NTM: variants seen among roughly 807,000 people sequenced by gnomAD.
NTM encodes the protein neurotrimin.
NTM carries 13 observed loss-of-function variants against 42.1 expected under a neutral mutation model. That is an observed-to-expected ratio of 0.31 (90% CI 0.20 to 0.49). NTM has a LOEUF of 0.49. Among genes scored for constraint, NTM ranks in the 20% least tolerant of loss-of-function variants. NTM has a pLI of 0.99. For missense variants in NTM, 373 were observed against 452.8 expected (o/e 0.82, Z 1.60); for synonymous variants, 187 against 179.2 (o/e 1.04, Z -0.35).
intron 1 of NTM, among the ~76,000 whole-genome samples, chr11:131,643,276 T>C (rs1215655948): frequency 6.6e-6 from 1 of 152,244 alleles, no homozygotes; most frequent in East Asian, 1.9e-4. Context: ...AGGAGACTCC[T>C]GCTGATATGA....
intron 2 of NTM, among the ~76,000 whole-genome samples, chr11:132,084,425 C>G (rs1318398093): frequency 6.6e-6 from 1 of 152,082 alleles, no homozygotes; most frequent in Non-Finnish European, 1.5e-5. Context: ...GAAGATTAAA[C>G]ACATTTTGTT....
chr11:131,889,835 A>G (rs957612953), intron 1 of NTM, among the ~76,000 whole-genome samples: 3 of 152,186 alleles, frequency 2.0e-5, no homozygotes, highest in Non-Finnish European at 4.4e-5. Flanking sequence ...ATGAGGGATC[A>G]GTAGCATCCC....
chr11:131,687,930 C>T lies in NTM; in HGVS notation c.83-223634C>T, dbSNP rs532951846. Among the ~76,000 whole-genome samples, 382 of 152,268 alleles carry T rather than the reference C, an allele frequency of 2.5e-3. 2 individuals are homozygous for T. The highest frequency in any genetic ancestry group is 8.9e-3 in the African/African-American group (371 of 41,540). Reference sequence around the variant, plus strand: ...GTGTCCTAGCAAAGCAATCAGTGGACGTATTTTTAAAAGAAAACTCATTTA... The same window carrying T: ...GTGTCCTAGCAAAGCAATCAGTGGATGTATTTTTAAAAGAAAACTCATTTA... On this transcript the variant is annotated intron_variant, in intron 1 of 8. Coordinates refer to ENST00000683400, the MANE Select transcript of NTM (RefSeq NM_001352005.2).
At chr11:132,139,644 T>C (rs1317682771) in intron 2 of NTM, among the ~76,000 whole-genome samples, 1 of 152,214 alleles carries the variant, frequency 6.6e-6, no homozygotes, top group East Asian at 1.9e-4. Flanking sequence ...ACTGCCTCCT[T>C]GCACGATTCT....
At chr11:132,016,838 T>C (rs2073498957) in intron 2 of NTM, among the ~76,000 whole-genome samples, 1 of 152,024 alleles carries the variant, frequency 6.6e-6, no homozygotes, top group Non-Finnish European at 1.5e-5. Context: ...ATAACCATTC[T>C]AGTGGATATA....
chr11:132,044,224 C>A (rs892164627), intron 2 of NTM, among the ~76,000 whole-genome samples: 2 of 152,092 alleles, frequency 1.3e-5, no homozygotes, highest in Middle Eastern at 3.4e-3. Context: ...CACTACCTAC[C>A]ACAAGGTCAT....
chr11:131,869,680 GA>G (rs1459543164), intron 1 of NTM, among the ~76,000 whole-genome samples: 12 of 152,312 alleles, frequency 7.9e-5, no homozygotes, highest in Middle Eastern at 3.4e-3. Context: ...TGATAATTCA[GA>G]AAATTTAATT....
At chr11:132,187,174 C>T (rs921125137) in intron 3 of NTM, among the ~76,000 whole-genome samples, 1 of 151,796 alleles carries the variant, frequency 6.6e-6, no homozygotes, top group Non-Finnish European at 1.5e-5. Flanking sequence ...CCTTGCTTCT[C>T]TTTTCTTCAT....
intron 1 of NTM, among the ~76,000 whole-genome samples, chr11:131,607,712 G>A (rs1288538620): frequency 1.3e-5 from 2 of 152,054 alleles, no homozygotes; most frequent in Non-Finnish European, 2.9e-5. Flanking sequence ...TTTTCATGTA[G>A]CATTTATTAA....
At chr11:131,498,239 A>C (rs1260119350) in intron 1 of NTM, among the ~76,000 whole-genome samples, 1 of 152,184 alleles carries the variant, frequency 6.6e-6, no homozygotes, top group Non-Finnish European at 1.5e-5. Context: ...CTCTGGCTCT[A>C]CCACGTACTG....
chr11:132,282,288 A>T (rs2094000855), intron 4 of NTM, among the ~76,000 whole-genome samples: 1 of 152,198 alleles, frequency 6.6e-6, no homozygotes, highest in African/African-American at 2.4e-5. Context: ...AATCTTCATG[A>T]AATATTCCTC....
At chr11:131,593,934 C>T (rs991754769) in intron 1 of NTM, among the ~76,000 whole-genome samples, 1 of 152,076 alleles carries the variant, frequency 6.6e-6, no homozygotes, top group African/African-American at 2.4e-5. Flanking sequence ...TGCATGGTGC[C>T]CAGTGGATCT....
chr11:132,071,218 C>G (rs2057603954), intron 2 of NTM, among the ~76,000 whole-genome samples: 1 of 137,868 alleles, frequency 7.3e-6, no homozygotes, highest in Non-Finnish European at 1.6e-5. Flanking sequence ...TCACACTGAC[C>G]ATCACAGGTT....
At chr11:132,284,160 G>A (rs546014594) in intron 4 of NTM, 1 of 152,324 alleles carries the variant, frequency 6.6e-6, no homozygotes, top group Admixed American at 6.5e-5. Context: ...ACCCTCCAAG[G>A]TGAGCCCCCT....
rs1273763367 is a variant in NTM, at chr11:132,002,818, T to G, written c.167+91170T>G. Among the ~76,000 whole-genome samples, 2 of 152,132 alleles carry G rather than the reference T, an allele frequency of 1.3e-5. No individual in the cohort carries two copies. The highest frequency in any genetic ancestry group is 4.8e-5 in the African/African-American group (2 of 41,400). ...AAATCATAGTAACGATTTATTAAAG[T>G]TGAAGATTGAGTTTTATACATTTAA... On this transcript the variant is annotated intron_variant, in intron 2 of 8. Transcript: ENST00000683400. This position sits in a 1 kb window ranked among gnomAD's most constrained non-coding sequence, Gnocchi z 4.5.
chr11:131,860,815 C>T (rs1049629163), intron 1 of NTM, among the ~76,000 whole-genome samples: 1 of 152,152 alleles, frequency 6.6e-6, no homozygotes, highest in Non-Finnish European at 1.5e-5. Context: ...TTCTGATTTG[C>T]ACAACCTTCA....
At chr11:131,557,677 A>G (rs964839210) in intron 1 of NTM, among the ~76,000 whole-genome samples, 10 of 146,988 alleles carry the variant, frequency 6.8e-5, no homozygotes, top group Non-Finnish European at 1.3e-4. Context: ...TGCAGGAGGC[A>G]CTGTTGTTGA....
At chr11:131,933,651 T>A (rs966430079) in intron 2 of NTM, among the ~76,000 whole-genome samples, 1 of 151,942 alleles carries the variant, frequency 6.6e-6, no homozygotes, top group African/African-American at 2.4e-5. Flanking sequence ...TGCTTTAGTG[T>A]CCTCTTCCTG....
chr11:131,831,287 A>C (rs2042786197), intron 1 of NTM, among the ~76,000 whole-genome samples: 1 of 152,158 alleles, frequency 6.6e-6, no homozygotes, highest in African/African-American at 2.4e-5. Flanking sequence ...TAAAGAACTA[A>C]ATTTTTGTAG....
Sources: gnomAD v4.1 joint callset for allele counts (sites outside exome capture counted in the v4.1 genomes callset) on GRCh38, gnomAD v4.1.1 for gene constraint, Gnocchi (gnomAD v3.1) non-coding constraint, MANE v1.5 for transcripts, NCBI Gene and HGNC (gene_info 2026-07-23, HGNC 2026-07-21) for gene names.